PHF8: variants seen among roughly 807,000 people sequenced by gnomAD.
The protein encoded by PHF8 is histone lysine demethylase PHF8.
A neutral mutation model predicts 74.4 loss-of-function variants in PHF8; 9 were observed. That is an observed-to-expected ratio of 0.12 (90% confidence interval 0.07 to 0.21). The LOEUF is 0.21. PHF8 is among the 10% of genes least tolerant of loss of function. The probability of loss-of-function intolerance (pLI) is 1.00; values close to 1 mark genes in which losing one functional copy is unlikely to be tolerated. For missense variants in PHF8, 478 were observed against 816.6 expected, an observed-to-expected ratio of 0.59 and a Z score of 5.05; for synonymous variants, 311 against 316.6, an observed-to-expected ratio of 0.98 and a Z score of 0.19.
intron 8 of PHF8, among the ~76,000 whole-genome samples, chrX:54,004,696 C>T (rs1469978487): frequency 1.8e-5 from 2 of 110,731 alleles, no homozygotes; most frequent in Admixed American, 9.7e-5. Flanking sequence ...TTTGGGAGGC[C>T]GAGGTGGGTA....
chrX:54,035,080 C>T (rs1319355633), intron 2 of PHF8, among the ~76,000 whole-genome samples: 1 of 110,771 alleles, frequency 9.0e-6, no homozygotes, highest in Non-Finnish European at 1.9e-5. Flanking sequence ...AAGTTTCAAC[C>T]GGACATGGTG....
At chrX:53,945,281 C>CT (rs1388673308) in intron 19 of PHF8, among the ~76,000 whole-genome samples, 9 of 104,417 alleles carry the variant, frequency 8.6e-5, no homozygotes, top group African/African-American at 3.2e-4. Context: ...GGAGGCGGAG[C>CT]TTGCAGTAAG....
intron 19 of PHF8, among the ~76,000 whole-genome samples, chrX:53,961,127 A>G (rs192547458): frequency 4.6e-5 from 5 of 107,844 alleles, no homozygotes; most frequent in African/African-American, 1.7e-4. Flanking sequence ...GGTTCAAGCA[A>G]TTCTCGTGCC....
intron 10 of PHF8, among the ~76,000 whole-genome samples, chrX:54,000,547 C>T (rs2065812468): frequency 8.9e-6 from 1 of 112,610 alleles, no homozygotes. Flanking sequence ...TGATTGAACA[C>T]TTAAGTGACA....
At chrX:53,982,199 G>C (rs1185063795) in intron 18 of PHF8, among the ~76,000 whole-genome samples, 1 of 112,059 alleles carries the variant, frequency 8.9e-6, no homozygotes, top group Non-Finnish European at 1.9e-5. Context: ...GGGGAACCTG[G>C]CATGTCCCTA....
At chrX:53,948,333 C>T (rs974460426) in intron 19 of PHF8, among the ~76,000 whole-genome samples, 2 of 111,717 alleles carry the variant, frequency 1.8e-5, no homozygotes, top group Non-Finnish European at 3.8e-5. Flanking sequence ...CACGCAGTGG[C>T]GTGACCTCTA....
intron 19 of PHF8, among the ~76,000 whole-genome samples, chrX:53,950,553 A>G (rs782345980): frequency 1.8e-5 from 2 of 112,175 alleles, no homozygotes; most frequent in Admixed American, 1.9e-4. Flanking sequence ...GCTACCGCAG[A>G]GTTGTAAACT....
chrX:53,961,565 C>T (rs991581478), intron 19 of PHF8, among the ~76,000 whole-genome samples: 6 of 111,469 alleles, frequency 5.4e-5, no homozygotes, highest in East Asian at 2.8e-4. Flanking sequence ...GTGTTCTGCC[C>T]GCCTTGGCCT....
At chrX:54,002,444 C>T (rs1368144681) in intron 9 of PHF8, 151 bp downstream of exon 9, 3 of 542,801 alleles carry the variant, frequency 5.5e-6, no homozygotes, top group South Asian at 5.0e-5. Flanking sequence ...CAAATAACTA[C>T]TAAGTGCAGA....
intron 7 of PHF8, among the ~76,000 whole-genome samples, chrX:54,012,761 G>A (rs1346856135): frequency 9.0e-6 from 1 of 110,627 alleles, no homozygotes; most frequent in Admixed American, 9.8e-5. Context: ...CATAGTGAGA[G>A]CTAGTCTCTA....
intron 2 of PHF8, among the ~76,000 whole-genome samples, chrX:54,024,691 T>C (rs188073031): frequency 7.2e-5 from 8 of 111,874 alleles, no homozygotes; most frequent in African/African-American, 2.6e-4. Flanking sequence ...CACAGACTAA[T>C]GCCGGTCTGT....
At chrX:54,025,566 C>T (rs2066253907) in intron 2 of PHF8, among the ~76,000 whole-genome samples, 1 of 111,531 alleles carries the variant, frequency 9.0e-6, no homozygotes, top group African/African-American at 3.3e-5. Flanking sequence ...TGACAACATC[C>T]TACATGAAAT....
chrX:54,015,296 G>A lies in PHF8; in HGVS notation c.597-733C>T, dbSNP rs928634596. On this transcript the variant is annotated intron_variant, in intron 6 of 21. Transcript: ENST00000338154. ...AACCTTGCATCTTAAAAACAACAGC[G>A]CCGGGCGCGGTGGCTCACACCTGTA... Among the ~76,000 whole-genome samples, 15 of 111,213 alleles carry A rather than the reference G, an allele frequency of 1.3e-4. No individual in the cohort carries two copies. The Admixed American group carries it at 1.4e-3, about 11-fold the overall frequency.
intron 2 of PHF8, among the ~76,000 whole-genome samples, chrX:54,036,594 A>C (rs1351542463): frequency 3.7e-4 from 39 of 105,705 alleles, no homozygotes; most frequent in Non-Finnish European, 4.3e-4. Context: ...AAAAAAAAAA[A>C]AAAAAACTTT....
At chrX:53,961,669 A>G (rs1333459621) in intron 19 of PHF8, among the ~76,000 whole-genome samples, 1 of 110,267 alleles carries the variant, frequency 9.1e-6, no homozygotes, top group Admixed American at 9.8e-5. Context: ...CTAACATAAC[A>G]CTTCTGAGGA....
chrX:53,964,020 T>C (rs782200195), intron 18 of PHF8, among the ~76,000 whole-genome samples: 3 of 111,651 alleles, frequency 2.7e-5, no homozygotes, highest in East Asian at 2.8e-4. Context: ...ATAGAGAAAA[T>C]GTGGCACACA....
At chrX:54,033,397 G>C (rs193261485) in intron 2 of PHF8, among the ~76,000 whole-genome samples, 15 of 112,265 alleles carry the variant, frequency 1.3e-4, no homozygotes, top group African/African-American at 4.8e-4. Flanking sequence ...GAGCAATTAA[G>C]AACATGCCTG....
intron 18 of PHF8, among the ~76,000 whole-genome samples, chrX:53,968,392 A>G (rs1569525502): frequency 8.9e-6 from 1 of 111,837 alleles, no homozygotes; most frequent in Non-Finnish European, 1.9e-5. Context: ...GAAACAGAAA[A>G]CCTGAACAGA....
intron 19 of PHF8, among the ~76,000 whole-genome samples, chrX:53,958,732 C>T (rs188888287): frequency 1.0e-5 from 1 of 95,442 alleles, no homozygotes; most frequent in Non-Finnish European, 2.1e-5. Flanking sequence ...GCAGAGATCG[C>T]GCCACTGCAC....
Sources: allele counts gnomAD v4.1 joint callset (sites outside exome capture counted in the v4.1 genomes callset), GRCh38; gene constraint gnomAD v4.1.1; transcripts MANE v1.5; gene names NCBI Gene and HGNC (gene_info 2026-07-23, HGNC 2026-07-21).